The following IL19 variants were observed in gnomAD, a reference collection of about 807,000 sequenced individuals.
IL19 encodes interleukin-19.
In IL19, 15 loss-of-function variants were observed where a neutral mutation model predicts 19.5. That is an observed-to-expected ratio of 0.77 (90% CI 0.52 to 1.19). The LOEUF is 1.19. Among genes scored for constraint, IL19 ranks in the 50% most tolerant of loss-of-function variants. IL19 has a pLI of 0.00. For missense variants in IL19, 199 were observed against 213.1 expected, an observed-to-expected ratio of 0.93 and a Z score of 0.41; for synonymous variants, 78 against 78.3, an observed-to-expected ratio of 1.00 and a Z score of 0.02.
rs909583321 is a variant in IL19 at position 206,790,826 on chromosome 1, C to A, written c.-148-8035C>A. Among the ~76,000 whole-genome samples the A allele has an allele frequency of 2.0e-5, 3 of 152,214 alleles. No individual in the cohort carries two copies. In the South Asian group the frequency reaches 6.2e-4, roughly 32 times the overall value. ...TTAGGGTTTTCACCATCTCCAGAAT[C>A]TGCTTAGCACATGCCTCAACCTAAG... On this transcript the variant is annotated intron_variant, in intron 1 of 6. Transcript: ENST00000659997.
intron 2 of IL19, among the ~76,000 whole-genome samples, chr1:206,835,671 G>T (rs1676765557): frequency 6.6e-6 from 1 of 152,174 alleles, no homozygotes; most frequent in Admixed American, 6.5e-5. Context: ...GCTGTAAATG[G>T]GAGATCTCAG....
chr1:206,831,962 C>T (rs976612432), intron 2 of IL19, among the ~76,000 whole-genome samples: 3 of 152,242 alleles, frequency 2.0e-5, no homozygotes, highest in African/African-American at 7.2e-5. Context: ...TGAGACTCAG[C>T]ATGGACAGTG....
intron 1 of IL19, among the ~76,000 whole-genome samples, chr1:206,788,063 G>A (rs1558607958): frequency 1.3e-5 from 2 of 152,150 alleles, no homozygotes; most frequent in African/African-American, 4.8e-5. Flanking sequence ...TGACATGGTT[G>A]GGGAAACACA....
intron 2 of IL19, among the ~76,000 whole-genome samples, chr1:206,816,430 A>T (rs929735602): frequency 6.6e-6 from 1 of 152,218 alleles, no homozygotes; most frequent in African/African-American, 2.4e-5. Context: ...TATACCTTAC[A>T]TGAAATATAT....
At chr1:206,829,765 C>T (rs1240626551) in intron 2 of IL19, among the ~76,000 whole-genome samples, 1 of 152,186 alleles carries the variant, frequency 6.6e-6, no homozygotes, top group African/African-American at 2.4e-5. Flanking sequence ...CCCTCCATCC[C>T]ATCACCACTG....
chr1:206,782,771 G>T (rs61815643), intron 1 of IL19, among the ~76,000 whole-genome samples: 16,543 of 152,136 alleles, frequency 0.11, 1,075 homozygotes, highest in Non-Finnish European at 0.15. Context: ...CTAGAGGCTG[G>T]GTGTGGTCAA....
intron 1 of IL19, among the ~76,000 whole-genome samples, chr1:206,786,667 T>C (rs1489399446): frequency 6.6e-6 from 1 of 151,804 alleles, no homozygotes; most frequent in Non-Finnish European, 1.5e-5. Flanking sequence ...GGTGGGAAAA[T>C]TGAGGTTGAG....
chr1:206,790,918 A>G (rs978088833), intron 1 of IL19, among the ~76,000 whole-genome samples: 1 of 152,188 alleles, frequency 6.6e-6, no homozygotes, highest in African/African-American at 2.4e-5. Context: ...CAGATTCCAG[A>G]AAGTTGAGGA....
intron 2 of IL19, among the ~76,000 whole-genome samples, chr1:206,827,844 C>CCCA (rs1558619980): frequency 2.0e-5 from 3 of 152,218 alleles, no homozygotes; most frequent in African/African-American, 7.2e-5. Flanking sequence ...TATGACTGCA[C>CCCA]GCAGCTGTAC....
intron 6 of IL19, 83 bp from the exon 7 acceptor site, chr1:206,842,443 TG>T: frequency 2.5e-6 from 2 of 787,426 alleles, no homozygotes; most frequent in Non-Finnish European, 4.2e-6. Flanking sequence ...CAAAACCTTG[TG>T]GGAACCAGCA....
At chr1:206,839,765 C>A in intron 4 of IL19, 85 bp from the exon 5 acceptor site, 4 of 1,179,690 alleles carry the variant, frequency 3.4e-6, no homozygotes, top group South Asian at 3.0e-5. Flanking sequence ...TCTCATGTGT[C>A]GCTGCCCCTA....
At chr1:206,811,443 CAAA>C (rs61026012) in intron 2 of IL19, among the ~76,000 whole-genome samples, 34,116 of 99,082 alleles carry the variant, frequency 0.34, 3,988 homozygotes, top group East Asian at 0.42. Flanking sequence ...GACTCCGTCT[CAAA>C]AAAAAAAAAA....
intron 2 of IL19, among the ~76,000 whole-genome samples, chr1:206,830,421 TCA>T (rs1558620880): frequency 6.6e-6 from 1 of 151,562 alleles, no homozygotes; most frequent in Non-Finnish European, 1.5e-5. Flanking sequence ...GTTCTTTTTC[TCA>T]CCTTTTTTTT....
chr1:206,789,007 T>C (rs546343787), intron 1 of IL19, among the ~76,000 whole-genome samples: 75 of 152,354 alleles, frequency 4.9e-4, no homozygotes, highest in Non-Finnish European at 7.6e-4. Flanking sequence ...ATATAAAAGA[T>C]GGACAGTGTC....
intron 2 of IL19, among the ~76,000 whole-genome samples, chr1:206,805,054 G>A (rs988455779): frequency 3.9e-5 from 6 of 152,148 alleles, no homozygotes; most frequent in African/African-American, 1.4e-4. Flanking sequence ...CTGCATACCT[G>A]GCTCTGCTTC....
chr1:206,787,085 A>G (rs1236738624), intron 1 of IL19, among the ~76,000 whole-genome samples: 2 of 152,136 alleles, frequency 1.3e-5, no homozygotes, highest in African/African-American at 2.4e-5. Context: ...TCTCTCCACA[A>G]GATCTCTGAC....
At chr1:206,778,533 G>T (rs1192382832) in intron 1 of IL19, among the ~76,000 whole-genome samples, 2 of 152,142 alleles carry the variant, frequency 1.3e-5, no homozygotes, top group Non-Finnish European at 2.9e-5. Context: ...ACATATCCAA[G>T]CAGGGCTGGG....
chr1:206,778,776 A>G (rs1449381372), intron 1 of IL19, among the ~76,000 whole-genome samples: 2 of 152,214 alleles, frequency 1.3e-5, no homozygotes, highest in Non-Finnish European at 2.9e-5. Flanking sequence ...AGTAAATGGA[A>G]CTATCAATTA....
intron 5 of IL19, 186 bp downstream of exon 5, chr1:206,840,188 T>C: frequency 1.4e-6 from 1 of 729,910 alleles, no homozygotes; most frequent in Non-Finnish European, 2.4e-6. Flanking sequence ...GCTCCCTGCC[T>C]GCTGACAACT....
Sources: allele counts gnomAD v4.1 joint callset (sites outside exome capture counted in the v4.1 genomes callset), GRCh38; gene constraint gnomAD v4.1.1; transcripts MANE v1.5; gene names NCBI Gene and HGNC (gene_info 2026-07-23, HGNC 2026-07-21).